Variants in CACNA2D3 observed in about 807,000 individuals in gnomAD.
CACNA2D3 encodes calcium voltage-gated channel auxiliary subunit alpha2delta 3, also known as voltage-dependent calcium channel subunit alpha-2/delta-3.
A neutral mutation model predicts 160.6 loss-of-function variants in CACNA2D3; 60 were observed. The observed-to-expected ratio is 0.37, with a 90% CI of 0.30 to 0.46. The LOEUF (loss-of-function observed/expected upper bound fraction) is 0.46, where lower values mean the gene tolerates loss of function less well. Among genes scored for constraint, CACNA2D3 ranks in the 20% least tolerant of loss-of-function variants. CACNA2D3 has a pLI of 1.00. For synonymous variants in CACNA2D3, 558 were observed against 492.9 expected (o/e 1.13, Z -1.75); for missense variants, 1,205 against 1,365.0 (o/e 0.88, Z 1.85).
intron 11 of CACNA2D3, among the ~76,000 whole-genome samples, chr3:54,646,194 G>GCTTC (rs1169806180): frequency 0.062 from 835 of 13,378 alleles, 47 homozygotes; most frequent in East Asian, 0.25. Flanking sequence ...CTCCTTCCTT[G>GCTTC]CTTCCTTCCT....
chr3:54,185,405 A>G (rs994856891), intron 2 of CACNA2D3, among the ~76,000 whole-genome samples: 23 of 152,232 alleles, frequency 1.5e-4, no homozygotes, highest in Non-Finnish European at 7.3e-5. Context: ...AAGTCCTTAA[A>G]AAGAAGCCTG....
At chr3:55,020,606 T>C (rs949435552) in intron 35 of CACNA2D3, among the ~76,000 whole-genome samples, 1 of 151,884 alleles carries the variant, frequency 6.6e-6, no homozygotes, top group African/African-American at 2.4e-5. Flanking sequence ...TCTCAACACT[T>C]TGGGAGGCCA....
intron 2 of CACNA2D3, among the ~76,000 whole-genome samples, chr3:54,248,207 C>T (rs1181588769): frequency 6.6e-6 from 1 of 152,024 alleles, no homozygotes; most frequent in Non-Finnish European, 1.5e-5. Flanking sequence ...CTTGGTGGCT[C>T]ACACCACTCA....
chr3:54,705,713 G>T (rs1700844932), intron 11 of CACNA2D3, among the ~76,000 whole-genome samples: 1 of 152,186 alleles, frequency 6.6e-6, no homozygotes, highest in Non-Finnish European at 1.5e-5. Flanking sequence ...TTTGATATCT[G>T]ATATAATTAT....
At chr3:54,564,792 C>T (rs963963619) in intron 6 of CACNA2D3, among the ~76,000 whole-genome samples, 2 of 152,144 alleles carry the variant, frequency 1.3e-5, no homozygotes, top group Non-Finnish European at 2.9e-5. Flanking sequence ...ATGCATTTGT[C>T]GTGGATTTTG....
chr3:54,610,634 T>C (rs1477029674), intron 9 of CACNA2D3, among the ~76,000 whole-genome samples: 2 of 152,118 alleles, frequency 1.3e-5, no homozygotes, highest in Non-Finnish European at 2.9e-5. Flanking sequence ...CCTTTTTTTT[T>C]CTTTTTGAGA....
chr3:54,920,466 G>A (rs550478745), intron 27 of CACNA2D3, among the ~76,000 whole-genome samples: 1 of 152,170 alleles, frequency 6.6e-6, no homozygotes, highest in African/African-American at 2.4e-5. Context: ...TGAGGAAACA[G>A]TCCTCACCCT....
chr3:54,465,809 A>G (rs1700613159), intron 4 of CACNA2D3, among the ~76,000 whole-genome samples: 1 of 152,232 alleles, frequency 6.6e-6, no homozygotes, highest in South Asian at 2.1e-4. Context: ...TCTATAAGTC[A>G]GAAGTCTGGG....
chr3:54,366,895 C>A (rs1480510467), intron 3 of CACNA2D3, among the ~76,000 whole-genome samples: 1 of 152,154 alleles, frequency 6.6e-6, no homozygotes. Flanking sequence ...GAAATGGCTA[C>A]AATGCTCATA....
At chr3:54,893,722 C>T (rs752904276) in intron 25 of CACNA2D3, among the ~76,000 whole-genome samples, 47 of 152,052 alleles carry the variant, frequency 3.1e-4, no homozygotes, top group African/African-American at 1.1e-3. Flanking sequence ...CCCATACCCC[C>T]GCCACCTGCA....
intron 14 of CACNA2D3, among the ~76,000 whole-genome samples, chr3:54,821,535 C>G (rs1367626838): frequency 6.6e-6 from 1 of 152,068 alleles, no homozygotes; most frequent in African/African-American, 2.4e-5. Flanking sequence ...AATTTCTCCC[C>G]CTGAGTGCAA....
At chr3:54,313,555 G>A (rs1050934987) in intron 2 of CACNA2D3, among the ~76,000 whole-genome samples, 1 of 151,440 alleles carries the variant, frequency 6.6e-6, no homozygotes, top group Admixed American at 6.6e-5. Flanking sequence ...CTAGCACACC[G>A]CCCTTGATGA....
rs1313211097 is a variant in CACNA2D3 at position 54,918,564 on chromosome 3, GCA to G, written c.2449+18697_2449+18698del. 1.9e-6 allele frequency: 3 copies of G among 1,614,058 alleles called. No homozygotes were observed. In the African/African-American group the frequency reaches 4.0e-5, roughly 22 times the overall value. ...ACTGGGCTGTGATTGCCGCATAGGT[GCA>G]GCCATAGATGGCAGCTGCCAACATC... On this transcript the variant is annotated intron_variant, in intron 27 of 37. Transcript: ENST00000474759.
intron 2 of CACNA2D3, among the ~76,000 whole-genome samples, chr3:54,128,200 C>G (rs1699636085): frequency 6.6e-6 from 1 of 152,170 alleles, no homozygotes. Context: ...AATTTTTAGG[C>G]AAACACATGA....
At chr3:54,405,963 A>G (rs1423787047) in intron 4 of CACNA2D3, among the ~76,000 whole-genome samples, 4 of 152,106 alleles carry the variant, frequency 2.6e-5, no homozygotes, top group African/African-American at 9.7e-5. Flanking sequence ...CAGCATCACT[A>G]ATCATCAGAG....
chr3:54,209,788 T>A (rs1701340138), intron 2 of CACNA2D3, among the ~76,000 whole-genome samples: 1 of 152,236 alleles, frequency 6.6e-6, no homozygotes, highest in East Asian at 1.9e-4. Context: ...TCTAGAAACG[T>A]CTTTGATCTT....
At chr3:54,553,435 A>G (rs1014942384) in intron 5 of CACNA2D3, among the ~76,000 whole-genome samples, 3 of 152,198 alleles carry the variant, frequency 2.0e-5, no homozygotes, top group Non-Finnish European at 4.4e-5. Flanking sequence ...CCTGCCTGCT[A>G]TAATTTCATA....
At chr3:54,953,205 A>G (rs1701800717) in intron 27 of CACNA2D3, among the ~76,000 whole-genome samples, 1 of 152,200 alleles carries the variant, frequency 6.6e-6, no homozygotes, top group Non-Finnish European at 1.5e-5. Context: ...TTAAGGCACA[A>G]ACGTATAAGG....
At chr3:54,586,654 C>G (rs1189501018) in intron 9 of CACNA2D3, among the ~76,000 whole-genome samples, 1 of 152,132 alleles carries the variant, frequency 6.6e-6, no homozygotes, top group Non-Finnish European at 1.5e-5. Context: ...AAGAGCTGAA[C>G]AACACCATCA....
Sources: gnomAD v4.1 joint callset for allele counts (sites outside exome capture counted in the v4.1 genomes callset) on GRCh38, gnomAD v4.1.1 for gene constraint, MANE v1.5 for transcripts, NCBI Gene and HGNC (gene_info 2026-07-23, HGNC 2026-07-21) for gene names.